The following TNIK variants were observed in gnomAD, a reference collection of about 807,000 sequenced individuals.
TNIK encodes TRAF2 and NCK interacting kinase.
TNIK carries 49 observed loss-of-function variants against 191.3 expected under a neutral mutation model. The ratio of observed to expected loss-of-function variants is 0.26; its 90% CI spans 0.20 to 0.32. The LOEUF is 0.32. Ranked by LOEUF, TNIK falls within the 10% of genes least tolerant of loss-of-function variation. The probability of loss-of-function intolerance (pLI) is 1.00; values close to 1 mark genes in which losing one functional copy is unlikely to be tolerated. For synonymous variants in TNIK, 594 were observed against 600.9 expected (o/e 0.99, Z 0.17); for missense variants, 1,155 against 1,702.3 (o/e 0.68, Z 5.66).
rs545787237 is a variant in TNIK at position 171,391,634 on chromosome 3, G to A, written c.58-21949C>T. On this transcript the variant is annotated intron_variant, in intron 1 of 32. Transcript: ENST00000436636. ...TCTTGTCATATTGCCACAATTTATT[G>A]TTCTTTGTTAAGATGGTATATATAA... 5.1e-4 allele frequency among the ~76,000 whole-genome samples: 77 copies of A among 152,162 alleles called. 1 individual carries two copies. Among genetic ancestry groups the A allele is most frequent in the Middle Eastern group, 6.8e-3 (2 of 292 alleles).
intron 27 of TNIK, 40 bp downstream of exon 27, chr3:171,082,211 G>A (rs1338604936): frequency 3.8e-6 from 6 of 1,597,856 alleles, no homozygotes; most frequent in East Asian, 2.3e-5. Context: ...TCCCTTTCCC[G>A]CTGTATGGAC....
chr3:171,330,044 C>T (rs1161188748), intron 2 of TNIK, among the ~76,000 whole-genome samples: 2 of 152,202 alleles, frequency 1.3e-5, no homozygotes, highest in Admixed American at 6.5e-5. Context: ...TATGCAACTT[C>T]CATTAGGCAG....
At chr3:171,390,343 C>A (rs1719311273) in intron 1 of TNIK, among the ~76,000 whole-genome samples, 1 of 152,216 alleles carries the variant, frequency 6.6e-6, no homozygotes, top group South Asian at 2.1e-4. Flanking sequence ...TGTTTGAATG[C>A]AGCACAAGTA....
At chr3:171,406,791 A>G (rs1175090897) in intron 1 of TNIK, among the ~76,000 whole-genome samples, 1 of 152,216 alleles carries the variant, frequency 6.6e-6, no homozygotes, top group East Asian at 1.9e-4. Flanking sequence ...CTGCCCAGAG[A>G]AAGAGGATGT....
At chr3:171,160,501 C>T (rs988043784) in intron 11 of TNIK, among the ~76,000 whole-genome samples, 5 of 151,314 alleles carry the variant, frequency 3.3e-5, no homozygotes, top group Non-Finnish European at 7.4e-5. Flanking sequence ...TTGTGCAATT[C>T]CCCCCAAGTC....
intron 17 of TNIK, 81 bp downstream of exon 17, chr3:171,125,831 T>C (rs1170560577): frequency 1.3e-6 from 2 of 1,554,518 alleles, no homozygotes; most frequent in East Asian, 2.4e-5. Flanking sequence ...CATTCTCCAC[T>C]ACTACGAAAG....
intron 1 of TNIK, among the ~76,000 whole-genome samples, chr3:171,400,799 C>A (rs944682140): frequency 7.2e-5 from 11 of 152,150 alleles, no homozygotes; most frequent in Admixed American, 6.5e-4. Flanking sequence ...GTCTCCTAAG[C>A]ACCATATGCC....
At chr3:171,356,398 T>C (rs963035128) in intron 2 of TNIK, among the ~76,000 whole-genome samples, 1 of 152,182 alleles carries the variant, frequency 6.6e-6, no homozygotes, top group African/African-American at 2.4e-5. Context: ...GAAAACACAA[T>C]TGTGTTTGTT....
At chr3:171,105,352 C>G (rs1023297248) in intron 21 of TNIK, among the ~76,000 whole-genome samples, 2 of 152,156 alleles carry the variant, frequency 1.3e-5, no homozygotes, top group Non-Finnish European at 2.9e-5. Context: ...TCTGCTCTAT[C>G]CACAAGATGC....
At chr3:171,139,376 G>GCACACACACACACACA (rs1271020696) in intron 14 of TNIK, 94 bp downstream of exon 14, 10 of 532,096 alleles carry the variant, frequency 1.9e-5, no homozygotes, top group East Asian at 6.1e-5. Context: ...ACACGCACGC[G>GCACACACACACACACA]CGCACACACA....
chr3:171,394,228 T>C (rs1320764842), intron 1 of TNIK, among the ~76,000 whole-genome samples: 2 of 152,230 alleles, frequency 1.3e-5, no homozygotes, highest in African/African-American at 2.4e-5. Context: ...AGGTCCTTCA[T>C]GACATGTCCC....
chr3:171,300,549 A>G (rs984087314), intron 2 of TNIK, among the ~76,000 whole-genome samples: 3 of 152,182 alleles, frequency 2.0e-5, no homozygotes, highest in African/African-American at 7.2e-5. Flanking sequence ...TGAAAAAAAA[A>G]TCTGTGCTTT....
At chr3:171,064,961 C>T (rs769654402) in intron 32 of TNIK, among the ~76,000 whole-genome samples, 42 of 152,234 alleles carry the variant, frequency 2.8e-4, no homozygotes, top group Non-Finnish European at 4.7e-4. Flanking sequence ...TGAATCAAAA[C>T]GGAGAAGGAC....
chr3:171,259,829 G>A (rs184679023), intron 2 of TNIK, among the ~76,000 whole-genome samples: 2 of 152,120 alleles, frequency 1.3e-5, no homozygotes, highest in African/African-American at 2.4e-5. Context: ...CTCTTCAAGA[G>A]ATCCATTACA....
At chr3:171,294,713 C>G (rs1434725760) in intron 2 of TNIK, among the ~76,000 whole-genome samples, 1 of 151,978 alleles carries the variant, frequency 6.6e-6, no homozygotes, top group Non-Finnish European at 1.5e-5. Context: ...AAGAAGGAAA[C>G]TCCATCTCAA....
rs76328524 is a variant in TNIK at position 171,453,866 on chromosome 3, G to T, written c.57+6141C>A. Among the ~76,000 whole-genome samples, 1,345 of 152,238 alleles carry T rather than the reference G, an allele frequency of 8.8e-3. 27 individuals are homozygous for T. The highest frequency in any genetic ancestry group is 0.031 in the African/African-American group (1,285 of 41,540). On this transcript the variant is annotated intron_variant, in intron 1 of 32. Coordinates refer to ENST00000436636, the MANE Select transcript of TNIK (RefSeq NM_015028.4). ...TGAGACAACCAGGACATGTAAAAAAGAGTGGATAGAATCATGTTTCTCTAA... is the reference window on the plus strand; with the variant it reads ...TGAGACAACCAGGACATGTAAAAAATAGTGGATAGAATCATGTTTCTCTAA...
intron 1 of TNIK, among the ~76,000 whole-genome samples, chr3:171,376,718 C>T (rs1039718034): frequency 1.4e-5 from 2 of 140,888 alleles, no homozygotes; most frequent in African/African-American, 6.4e-5. Flanking sequence ...AAGTAAAAAA[C>T]ATAAATATAT....
intron 1 of TNIK, 71 bp downstream of exon 1, chr3:171,459,936 C>T: frequency 6.7e-7 from 1 of 1,492,918 alleles, no homozygotes; most frequent in Non-Finnish European, 9.1e-7. Context: ...GCCCCAGCCC[C>T]CAGTCCACGC....
intron 2 of TNIK, among the ~76,000 whole-genome samples, chr3:171,293,660 ATTT>A (rs894436607): frequency 6.6e-6 from 1 of 151,774 alleles, no homozygotes; most frequent in Non-Finnish European, 1.5e-5. Flanking sequence ...AATGAATAAC[ATTT>A]TTTTTCCACT....
Sources: allele counts gnomAD v4.1 joint callset (sites outside exome capture counted in the v4.1 genomes callset), GRCh38; gene constraint gnomAD v4.1.1; transcripts MANE v1.5; gene names NCBI Gene and HGNC (gene_info 2026-07-23, HGNC 2026-07-21).